UBE2E2: variants seen among roughly 807,000 people sequenced by gnomAD.
UBE2E2 encodes ubiquitin-conjugating enzyme E2 E2.
In UBE2E2, 6 loss-of-function variants were observed where a neutral mutation model predicts 24.7. The ratio of observed to expected loss-of-function variants is 0.24; its 90% confidence interval spans 0.13 to 0.48. The LOEUF is 0.48. Ranked by LOEUF, UBE2E2 falls within the 20% of genes least tolerant of loss-of-function variation. UBE2E2 has a pLI of 0.99. For missense variants in UBE2E2, 169 were observed against 245.0 expected (o/e 0.69, Z 2.07); for synonymous variants, 104 against 83.6 (o/e 1.24, Z -1.33).
chr3:23,512,735 A>G (rs1273114324), intron 4 of UBE2E2, among the ~76,000 whole-genome samples: 1 of 152,184 alleles, frequency 6.6e-6, no homozygotes, highest in African/African-American at 2.4e-5. Context: ...ACCTGAAGTC[A>G]GGAGTTCAAG....
intron 3 of UBE2E2, among the ~76,000 whole-genome samples, chr3:23,494,575 C>T (rs1308825550): frequency 6.6e-6 from 1 of 152,146 alleles, no homozygotes; most frequent in East Asian, 1.9e-4. Flanking sequence ...TCAACTGGTA[C>T]ATATCCAAAT....
At chr3:23,319,419 C>T (rs1034086826) in intron 3 of UBE2E2, among the ~76,000 whole-genome samples, 4 of 152,114 alleles carry the variant, frequency 2.6e-5, no homozygotes, top group Non-Finnish European at 4.4e-5. Context: ...TTCAGTAATA[C>T]GCTATGTTTT....
At chr3:23,381,508 A>G (rs1348600525) in intron 3 of UBE2E2, among the ~76,000 whole-genome samples, 1 of 152,186 alleles carries the variant, frequency 6.6e-6, no homozygotes, top group African/African-American at 2.4e-5. Context: ...ACTCTAAGGT[A>G]ATGGGTGTGT....
intron 3 of UBE2E2, among the ~76,000 whole-genome samples, chr3:23,229,964 A>C (rs971604841): frequency 6.6e-6 from 1 of 152,204 alleles, no homozygotes; most frequent in Admixed American, 6.5e-5. Context: ...TATATTGGGT[A>C]AGAGTAAACT....
chr3:23,551,166 G>A (rs1695634084), intron 5 of UBE2E2, among the ~76,000 whole-genome samples: 1 of 152,112 alleles, frequency 6.6e-6, no homozygotes, highest in African/African-American at 2.4e-5. Flanking sequence ...AAATTGCAGT[G>A]TTCAACATTC....
At chr3:23,440,877 T>A (rs1181395895) in intron 3 of UBE2E2, among the ~76,000 whole-genome samples, 1 of 152,218 alleles carries the variant, frequency 6.6e-6, no homozygotes, top group Non-Finnish European at 1.5e-5. Context: ...TGGTTCTTGT[T>A]ACGGCAATGT....
At chr3:23,537,192 C>T (rs1422123837) in intron 5 of UBE2E2, among the ~76,000 whole-genome samples, 1 of 152,178 alleles carries the variant, frequency 6.6e-6, no homozygotes, top group African/African-American at 2.4e-5. Context: ...TGTCGTCTGC[C>T]TTCAGACCAT....
intron 3 of UBE2E2, among the ~76,000 whole-genome samples, chr3:23,377,096 T>G (rs9859651): frequency 0.4 from 60,470 of 151,956 alleles, 12,474 homozygotes; most frequent in Admixed American, 0.54. Context: ...AATTACTATA[T>G]TCACCCAAAC....
intron 5 of UBE2E2, among the ~76,000 whole-genome samples, chr3:23,579,798 T>A (rs1575721553): frequency 6.6e-6 from 1 of 152,184 alleles, no homozygotes; most frequent in East Asian, 1.9e-4. Context: ...GAAAACCTTG[T>A]GTAAAGGATT....
intron 4 of UBE2E2, among the ~76,000 whole-genome samples, chr3:23,504,122 A>G (rs1174030528): frequency 6.6e-6 from 1 of 152,214 alleles, no homozygotes; most frequent in African/African-American, 2.4e-5. Flanking sequence ...ATGTACACGT[A>G]CATGCCTGTA....
At chr3:23,275,483 G>A (rs564031690) in intron 3 of UBE2E2, among the ~76,000 whole-genome samples, 2 of 152,270 alleles carry the variant, frequency 1.3e-5, no homozygotes, top group African/African-American at 4.8e-5. Context: ...GCCACCTGAA[G>A]GATTTAGTCC....
At chr3:23,458,958 A>C (rs1017424497) in intron 3 of UBE2E2, among the ~76,000 whole-genome samples, 1 of 152,226 alleles carries the variant, frequency 6.6e-6, no homozygotes, top group African/African-American at 2.4e-5. Flanking sequence ...AGTAAATCAG[A>C]AAGTAAGGTC....
chr3:23,521,663 G>T (rs1376910759), intron 4 of UBE2E2, among the ~76,000 whole-genome samples: 1 of 152,194 alleles, frequency 6.6e-6, no homozygotes, highest in African/African-American at 2.4e-5. Flanking sequence ...GGCTTTGAAT[G>T]CGGCCAACAC....
chr3:23,567,011 T>G (rs1442330498), intron 5 of UBE2E2, among the ~76,000 whole-genome samples: 1 of 152,204 alleles, frequency 6.6e-6, no homozygotes, highest in Non-Finnish European at 1.5e-5. Context: ...TGACTGTGCC[T>G]GGTCTCTCAC....
At chr3:23,304,975 T>C (rs886221392) in intron 3 of UBE2E2, among the ~76,000 whole-genome samples, 2 of 152,188 alleles carry the variant, frequency 1.3e-5, no homozygotes, top group Non-Finnish European at 2.9e-5. Context: ...TGAAAGATTA[T>C]GCAGACTTTC....
chr3:23,284,895 G>A (rs2125374220), intron 3 of UBE2E2, among the ~76,000 whole-genome samples: 1 of 147,412 alleles, frequency 6.8e-6, no homozygotes, highest in East Asian at 2.0e-4. Context: ...CCACCCTGTT[G>A]TTCTATCAAA....
intron 3 of UBE2E2, among the ~76,000 whole-genome samples, chr3:23,352,508 G>C (rs771620707): frequency 6.6e-6 from 1 of 152,172 alleles, no homozygotes; most frequent in Non-Finnish European, 1.5e-5. Flanking sequence ...AAGAAGAAAA[G>C]AGAGAAGAAG....
chr3:23,205,164 CTACT>C (rs1340107166), intron 1 of UBE2E2, among the ~76,000 whole-genome samples: 1 of 152,090 alleles, frequency 6.6e-6, no homozygotes, highest in Non-Finnish European at 1.5e-5. Flanking sequence ...TTAGGAAGGA[CTACT>C]TATTTTATGG....
chr3:23,355,859 C>G (rs182287513), intron 3 of UBE2E2, among the ~76,000 whole-genome samples: 1 of 152,302 alleles, frequency 6.6e-6, no homozygotes, highest in African/African-American at 2.4e-5. Flanking sequence ...CTATGCAGTT[C>G]GTACATACCT....
Sources: allele counts gnomAD v4.1 joint callset (sites outside exome capture counted in the v4.1 genomes callset), GRCh38; gene constraint gnomAD v4.1.1; transcripts MANE v1.5; gene names NCBI Gene and HGNC (gene_info 2026-07-23, HGNC 2026-07-21).